The following GPC6 variants were observed in gnomAD, a reference collection of about 807,000 sequenced individuals.
GPC6 encodes the protein glypican 6.
A neutral mutation model predicts 55.2 loss-of-function variants in GPC6; 14 were observed. The ratio of observed to expected loss-of-function variants is 0.25; its 90% CI spans 0.17 to 0.40. GPC6 has a LOEUF of 0.40. Ranked by LOEUF, GPC6 falls within the 10% of genes least tolerant of loss-of-function variation. GPC6 has a pLI of 1.00. For synonymous variants in GPC6, 278 were observed against 259.6 expected (o/e 1.07, Z -0.68); for missense variants, 641 against 708.5 (o/e 0.90, Z 1.08).
At chr13:94,238,611 T>C (rs1268839730) in intron 4 of GPC6, among the ~76,000 whole-genome samples, 1 of 152,110 alleles carries the variant, frequency 6.6e-6, no homozygotes, top group African/African-American at 2.4e-5. Context: ...TTATAAGAAG[T>C]CTTTTGAGAA....
rs1017514100 is a variant in GPC6 at position 93,403,372 on chromosome 13, G to A, written c.161-141891G>A. Among the ~76,000 whole-genome samples, 17 of 152,270 alleles carry A rather than the reference G, an allele frequency of 1.1e-4. 1 individual carries two copies. In the South Asian group the frequency reaches 3.3e-3, roughly 30 times the overall value. ...TTAGTAAAAGTTCAAGAGCGGTTTT[G>A]TGAGGCTTCCTGAAGCTATTCCTTT... On this transcript the variant is annotated intron_variant, in intron 1 of 8. Transcript: ENST00000377047.
At chr13:93,997,844 G>A (rs990183111) in intron 3 of GPC6, among the ~76,000 whole-genome samples, 3 of 152,178 alleles carry the variant, frequency 2.0e-5, no homozygotes, top group Non-Finnish European at 2.9e-5. Flanking sequence ...TGCTGCATTA[G>A]CAACAAGTGA....
chr13:93,930,687 G>T (rs1878122843), intron 3 of GPC6, among the ~76,000 whole-genome samples: 1 of 152,158 alleles, frequency 6.6e-6, no homozygotes. Context: ...AAGCAGGGAA[G>T]TCACTTTAGG....
chr13:93,958,616 A>T lies in GPC6; in HGVS notation c.712-69113A>T, dbSNP rs56173854. On this transcript the variant is annotated intron_variant, in intron 3 of 8. Transcript: ENST00000377047. ...TATATAGCCTTATAGTATAGTTCAA[A>T]GTTGAATAGTGTGGTGCCTCTGGCT... Among the ~76,000 whole-genome samples the T allele has an allele frequency of 9.1e-3, 1,385 of 152,252 alleles. 23 individuals are homozygous for T. Among genetic ancestry groups the T allele is most frequent in the African/African-American group, 0.032 (1,314 of 41,544 alleles).
At chr13:94,117,747 T>A (rs1292806013) in intron 4 of GPC6, among the ~76,000 whole-genome samples, 1 of 152,114 alleles carries the variant, frequency 6.6e-6, no homozygotes, top group Non-Finnish European at 1.5e-5. Context: ...CAGTTCTGCC[T>A]ATAGGATGCC....
intron 1 of GPC6, among the ~76,000 whole-genome samples, chr13:93,269,127 G>A (rs747682047): frequency 6.6e-6 from 1 of 152,126 alleles, no homozygotes; most frequent in African/African-American, 2.4e-5. Context: ...GTTAAAGGTA[G>A]GTTTGGAAAG....
chr13:93,722,396 A>G (rs2138824662), intron 2 of GPC6, among the ~76,000 whole-genome samples: 1 of 151,938 alleles, frequency 6.6e-6, no homozygotes, highest in South Asian at 2.1e-4. Flanking sequence ...ATTTTACTGG[A>G]TTTTTAAGTA....
chr13:94,280,391 C>T (rs1892342883), intron 4 of GPC6, among the ~76,000 whole-genome samples: 3 of 152,186 alleles, frequency 2.0e-5, no homozygotes, highest in Admixed American at 1.3e-4. Context: ...ATGTACTCCT[C>T]AGTCCCCTCT....
At chr13:94,318,497 C>T (rs777407147) in intron 6 of GPC6, among the ~76,000 whole-genome samples, 3 of 152,158 alleles carry the variant, frequency 2.0e-5, no homozygotes, top group East Asian at 1.9e-4. Context: ...TATCATCTCT[C>T]GTGCGTGCGC....
chr13:94,135,609 A>G (rs1170786710), intron 4 of GPC6, among the ~76,000 whole-genome samples: 1 of 152,272 alleles, frequency 6.6e-6, no homozygotes, highest in Non-Finnish European at 1.5e-5. Flanking sequence ...GTCATGTAGG[A>G]CATAAATCCA....
intron 4 of GPC6, among the ~76,000 whole-genome samples, chr13:94,216,202 G>A (rs537834724): frequency 1.3e-5 from 2 of 152,276 alleles, no homozygotes; most frequent in Admixed American, 1.3e-4. Flanking sequence ...CCCTTCAAAA[G>A]TGTTGACTTC....
At chr13:93,653,698 T>A (rs1218979492) in intron 2 of GPC6, among the ~76,000 whole-genome samples, 1 of 152,026 alleles carries the variant, frequency 6.6e-6, no homozygotes, top group Non-Finnish European at 1.5e-5. Flanking sequence ...AAGTTAAAGT[T>A]TACTGTCAAT....
chr13:93,920,919 A>G (rs1411346035), intron 3 of GPC6, among the ~76,000 whole-genome samples: 3 of 152,302 alleles, frequency 2.0e-5, no homozygotes, highest in African/African-American at 2.4e-5. Context: ...TCCATGTTCT[A>G]TAGCCAACTA....
intron 1 of GPC6, among the ~76,000 whole-genome samples, chr13:93,468,891 A>G (rs932382848): frequency 6.6e-6 from 1 of 152,152 alleles, no homozygotes; most frequent in Admixed American, 6.5e-5. Context: ...TTTTATTGCA[A>G]ATGACACTAA....
intron 1 of GPC6, among the ~76,000 whole-genome samples, chr13:93,240,057 T>C (rs2139013984): frequency 6.6e-6 from 1 of 152,208 alleles, no homozygotes; most frequent in Non-Finnish European, 1.5e-5. Flanking sequence ...TATTGTATGG[T>C]CTATCTTGGA....
At chr13:94,365,895 G>A (rs143829478) in intron 6 of GPC6, among the ~76,000 whole-genome samples, 3 of 152,182 alleles carry the variant, frequency 2.0e-5, no homozygotes, top group African/African-American at 4.8e-5. Flanking sequence ...CTTCGGTGTG[G>A]AAGAATAAAG....
At chr13:93,317,265 G>T (rs1049886781) in intron 1 of GPC6, among the ~76,000 whole-genome samples, 2 of 152,080 alleles carry the variant, frequency 1.3e-5, no homozygotes, top group African/African-American at 4.8e-5. Flanking sequence ...CCCTGCCTAA[G>T]CATCTTTTAT....
chr13:94,159,049 A>G (rs751071027), intron 4 of GPC6, among the ~76,000 whole-genome samples: 6 of 152,068 alleles, frequency 3.9e-5, no homozygotes, highest in Non-Finnish European at 8.8e-5. Flanking sequence ...TGTATAATAT[A>G]TCTTGGGAGA....
At chr13:94,029,352 G>A (rs1229460939) in intron 4 of GPC6, among the ~76,000 whole-genome samples, 1 of 152,196 alleles carries the variant, frequency 6.6e-6, no homozygotes, top group Non-Finnish European at 1.5e-5. Context: ...ATTTTTAAAA[G>A]TTAATCATTA....
Sources: allele counts gnomAD v4.1 joint callset (sites outside exome capture counted in the v4.1 genomes callset), GRCh38; gene constraint gnomAD v4.1.1; transcripts MANE v1.5; gene names NCBI Gene and HGNC (gene_info 2026-07-23, HGNC 2026-07-21).